Variants in RPL7L1 observed in about 807,000 individuals in gnomAD.
RPL7L1 encodes ribosomal protein L7 like 1.
Under a neutral mutation model 30.3 loss-of-function variants are expected in RPL7L1, and 20 were observed. That is an observed-to-expected ratio of 0.66 (90% CI 0.46 to 0.96). The LOEUF (loss-of-function observed/expected upper bound fraction) is 0.96. Among genes scored for constraint, RPL7L1 ranks in the 40% least tolerant of loss-of-function variants. The probability of loss-of-function intolerance (pLI) is 0.00; values close to 1 mark genes in which losing one functional copy is unlikely to be tolerated. For missense variants in RPL7L1, 271 were observed against 314.9 expected, an observed-to-expected ratio of 0.86 and a Z score of 1.05; for synonymous variants, 107 against 110.1, an observed-to-expected ratio of 0.97 and a Z score of 0.18.
chr6:42,883,944 A>C (rs1201198333), intron 3 of RPL7L1: 1 of 166,168 alleles, frequency 6.0e-6, no homozygotes, highest in Non-Finnish European at 1.3e-5. Flanking sequence ...GTCCTGAGGT[A>C]GGGAAAGCAA....
chr6:42,880,573 C>T (rs562275480), intron 1 of RPL7L1: 37 of 314,862 alleles, frequency 1.2e-4, no homozygotes, highest in African/African-American at 7.6e-4. Context: ...AGCGCAGTGT[C>T]GGGATCTCGG....
chr6:42,885,062 G>T (rs1409961692), intron 4 of RPL7L1, among the ~76,000 whole-genome samples: 2 of 152,178 alleles, frequency 1.3e-5, no homozygotes, highest in Non-Finnish European at 2.9e-5. Flanking sequence ...GGACACACTG[G>T]CTCATGCCTG....
intron 3 of RPL7L1, among the ~76,000 whole-genome samples, chr6:42,884,221 C>G (rs1158288555): frequency 2.0e-5 from 3 of 152,152 alleles, no homozygotes; most frequent in Non-Finnish European, 4.4e-5. Flanking sequence ...TTCCTTGCCT[C>G]TAGTGTCATA....
intron 4 of RPL7L1, among the ~76,000 whole-genome samples, chr6:42,885,323 CTG>C (rs1316990871): frequency 1.0e-5 from 1 of 99,004 alleles, no homozygotes; most frequent in African/African-American, 3.3e-5. Context: ...GCAATCCACT[CTG>C]TCTCAAAAAA....
intron 5 of RPL7L1, 43 bp downstream of exon 5, chr6:42,886,126 G>A: frequency 5.7e-6 from 8 of 1,407,640 alleles, no homozygotes; most frequent in Non-Finnish European, 8.0e-6. Flanking sequence ...AGAAAGCCAG[G>A]GTCTTTGAAG....
chr6:42,885,760 C>T (rs1224937247), intron 4 of RPL7L1: 3 of 474,062 alleles, frequency 6.3e-6, no homozygotes, highest in Non-Finnish European at 1.1e-5. Flanking sequence ...CATTTACATC[C>T]ATAAATTTAA....
At position 42,886,871 on chromosome 6, in the gene RPL7L1, G is replaced by A. The variant is rs1766287784; in HGVS notation, c.*407G>A. 1 of 175,192 alleles carries A rather than the reference G, an allele frequency of 5.7e-6. No individual in the cohort carries two copies. The highest frequency in any genetic ancestry group is 1.2e-4 in the South Asian group (1 of 8,044). 10.9% of individuals were successfully genotyped at this position (175,192 alleles called of 1,614,324 possible). ...GAGCTGGGTGTGGTGGCGCGTGCCT[G>A]TAGTCCCAGCTACTCGAGAGGCTAA... On this transcript the variant is annotated 3_prime_UTR_variant, in exon 6 of 6. Transcript: ENST00000493763.
chr6:42,880,830 T>A (rs1423455884), intron 1 of RPL7L1, 31 bp from the exon 2 acceptor site: 1 of 1,294,236 alleles, frequency 7.7e-7, no homozygotes, highest in Non-Finnish European at 1.1e-6. Context: ...CTTTTCTAAA[T>A]GTTATCTCTG....
chr6:42,889,072 T>C lies in RPL7L1; in HGVS notation c.*2608T>C, dbSNP rs1281489270. ...CTATTCCCTGGTCCTTTAAGATCAG[T>C]TTGGCTGCAATTTTGGCTCCTTGGA... On this transcript the variant is annotated 3_prime_UTR_variant, in exon 6 of 6. Transcript: ENST00000493763. The C allele has an allele frequency of 6.6e-6, 1 of 152,128 alleles. No homozygotes were observed. Among genetic ancestry groups the C allele is most frequent in the Non-Finnish European group, 1.5e-5 (1 of 68,030 alleles). 9.4% of individuals were successfully genotyped at this position (152,128 alleles called of 1,614,324 possible).
chr6:42,880,804 A>G (rs943679194), intron 1 of RPL7L1, 57 bp from the exon 2 acceptor site: 2 of 998,380 alleles, frequency 2.0e-6, no homozygotes, highest in Non-Finnish European at 3.1e-6. Flanking sequence ...TGAGCCACCG[A>G]GCCCGGCCAA....
At chr6:42,884,407 G>T (rs559687917) in intron 3 of RPL7L1, among the ~76,000 whole-genome samples, 2 of 152,100 alleles carry the variant, frequency 1.3e-5, no homozygotes, top group Non-Finnish European at 2.9e-5. Flanking sequence ...ACACACACAA[G>T]TTCAATTTCC....
rs936557897 is a variant in RPL7L1 at position 42,888,675 on chromosome 6, C to G, written c.*2211C>G. The G allele has an allele frequency of 2.6e-5, 4 of 152,310 alleles. No individual in the cohort carries two copies. The highest frequency in any genetic ancestry group is 2.0e-4 in the Admixed American group (3 of 15,276). The allele number at this position is 152,310 out of a possible 1,614,324, so 9.4% of individuals were successfully genotyped here. ...TTCAGAATAGAATTGCCTGGTTTCT[C>G]TGATGATCAGCATGGTTCCTTAAAA... On this transcript the variant is annotated 3_prime_UTR_variant, in exon 6 of 6. Coordinates refer to ENST00000493763, the MANE Select transcript of RPL7L1 (RefSeq NM_001366481.3).
At chr6:42,881,234 G>T (rs1290255257) in intron 2 of RPL7L1, 4 of 209,280 alleles carry the variant, frequency 1.9e-5, no homozygotes, top group African/African-American at 9.5e-5. Flanking sequence ...GGGAGGCCGA[G>T]GCGGGCGTAT....
In RPL7L1 at chr6:42,887,575, C is replaced by CT. The variant is rs986666094; in HGVS notation, c.*1112dup. 2 of 152,028 alleles carry CT rather than the reference C, an allele frequency of 1.3e-5. No homozygotes were observed. The highest frequency in any genetic ancestry group is 2.4e-5 in the African/African-American group (1 of 41,370). 9.4% of individuals were successfully genotyped at this position (152,028 alleles called of 1,614,324 possible). Reference sequence around the variant, plus strand: ...TCCAGCCTGGGCAACAAGCGAAACTCTGTCTCAAAAAAAAAGAAAAGACAG... The same window carrying CT: ...TCCAGCCTGGGCAACAAGCGAAACTCTTGTCTCAAAAAAAAAGAAAAGACAG... On this transcript the variant is annotated 3_prime_UTR_variant, in exon 6 of 6. Transcript: ENST00000493763.
intron 2 of RPL7L1, chr6:42,882,954 G>C (rs1766133754): frequency 6.5e-6 from 1 of 153,446 alleles, no homozygotes; most frequent in African/African-American, 2.4e-5. Flanking sequence ...CCAGGCTAGA[G>C]TGCAGTGGCA....
At position 42,889,843 on chromosome 6, in the gene RPL7L1, C is replaced by G. The variant is rs1353048057; in HGVS notation, c.*3379C>G. 1 of 152,008 alleles carries G rather than the reference C, an allele frequency of 6.6e-6. No homozygotes were observed. The highest frequency in any genetic ancestry group is 1.5e-5 in the Non-Finnish European group (1 of 67,880). 9.4% of individuals were successfully genotyped at this position (152,008 alleles called of 1,614,324 possible). On this transcript the variant is annotated 3_prime_UTR_variant, in exon 6 of 6. Coordinates refer to ENST00000493763, the MANE Select transcript of RPL7L1 (RefSeq NM_001366481.3). ...ATAAATTTTAAAAAACCTAATAAAA[C>G]AAGTTTGTAATTTATAATTGTATAC...
intron 5 of RPL7L1, 69 bp from the exon 6 acceptor site, chr6:42,886,184 TGCC>T: frequency 6.8e-7 from 1 of 1,461,634 alleles, no homozygotes; most frequent in Non-Finnish European, 9.6e-7. Context: ...CCCAAGAGTC[TGCC>T]AGAGTGGCCA....
intron 2 of RPL7L1, 142 bp downstream of exon 2, chr6:42,881,108 A>AG: frequency 1.7e-6 from 1 of 598,362 alleles, no homozygotes; most frequent in Non-Finnish European, 3.0e-6. Context: ...AGTGTCCTTA[A>AG]GGGGTTGGTT....
rs914458431 is a variant in RPL7L1 at position 42,879,738 on chromosome 6, T to TA, written c.-168dup. The TA allele has an allele frequency of 7.9e-5, 50 of 635,186 alleles. No individual in the cohort carries two copies. In the African/African-American group the frequency reaches 7.9e-4, roughly 10 times the overall value. 39.3% of individuals were successfully genotyped at this position (635,186 alleles called of 1,614,324 possible). Reference sequence around the variant, plus strand: ...TGGGTTTTGAAAATAACACAGGCTCTAAAAACCCTAAGAAGCGGTGCAACT... The same window carrying TA: ...TGGGTTTTGAAAATAACACAGGCTCTAAAAAACCCTAAGAAGCGGTGCAACT... On this transcript the variant is annotated 5_prime_UTR_variant, in exon 1 of 6. Transcript: ENST00000493763.
Sources: gnomAD v4.1 joint callset for allele counts (sites outside exome capture counted in the v4.1 genomes callset) on GRCh38, gnomAD v4.1.1 for gene constraint, MANE v1.5 for transcripts, NCBI Gene and HGNC (gene_info 2026-07-23, HGNC 2026-07-21) for gene names.